Variants in HYCC1 observed in about 807,000 individuals in gnomAD.
HYCC1 encodes hyccin.
chr7:23,005,150 C>G, the HYCC1 span, among the ~76,000 whole-genome samples: 1 of 152,156 alleles, frequency 6.6e-6, no homozygotes, highest in Non-Finnish European at 1.5e-5. Flanking sequence ...CTATATTCCT[C>G]TTATAAGCCC....
chr7:22,990,957 A>C, the HYCC1 span: 9 of 755,770 alleles, frequency 1.2e-5, no homozygotes, highest in Non-Finnish European at 2.1e-5. Flanking sequence ...ACTTCCACAG[A>C]TATTTAGCCT....
At chr7:22,978,104 T>C in the HYCC1 span, 19 of 662,518 alleles carry the variant, frequency 2.9e-5, no homozygotes, top group Non-Finnish European at 4.0e-5. Context: ...ACATGTACGC[T>C]TGTATGTCTC....
chr7:22,989,285 AACACACACACACACACACAC>A, the HYCC1 span, among the ~76,000 whole-genome samples: 3 of 148,684 alleles, frequency 2.0e-5, no homozygotes, highest in South Asian at 4.3e-4. Flanking sequence ...ACAAGCAGGA[AACACACACACACACACACAC>A]ACACACACAC....
chr7:22,908,914 G>C, the HYCC1 span, among the ~76,000 whole-genome samples: 4 of 152,314 alleles, frequency 2.6e-5, 1 homozygote, highest in South Asian at 8.3e-4. Context: ...GCAGTCAACT[G>C]TATTGATGTG....
At chr7:22,923,053 C>T in the HYCC1 span, among the ~76,000 whole-genome samples, 1 of 152,156 alleles carries the variant, frequency 6.6e-6, no homozygotes, top group South Asian at 2.1e-4. Flanking sequence ...GAGCACTACA[C>T]ACAAATTTGA....
chr7:22,988,484 A>G, the HYCC1 span, among the ~76,000 whole-genome samples: 2 of 152,086 alleles, frequency 1.3e-5, no homozygotes, highest in Non-Finnish European at 2.9e-5. Context: ...ATTTATTCAT[A>G]CTCTGGTTTC....
chr7:22,927,611 T>C, the HYCC1 span, among the ~76,000 whole-genome samples: 599 of 152,280 alleles, frequency 3.9e-3, 14 homozygotes, highest in Admixed American at 0.036. Context: ...CCTCGACACA[T>C]ACACTCTCCC....
chr7:22,913,745 G>T, the HYCC1 span, among the ~76,000 whole-genome samples: 12 of 152,262 alleles, frequency 7.9e-5, no homozygotes, highest in African/African-American at 2.4e-4. Flanking sequence ...TTCAGACTCA[G>T]CCCACCTACA....
the HYCC1 span, among the ~76,000 whole-genome samples, chr7:22,927,811 G>A: frequency 6.6e-6 from 1 of 152,208 alleles, no homozygotes; most frequent in East Asian, 1.9e-4. Flanking sequence ...GAGAAAAAGA[G>A]AGAATCCTCC....
chr7:22,946,213 T>C, the HYCC1 span: 1 of 1,468,052 alleles, frequency 6.8e-7, no homozygotes, highest in East Asian at 2.3e-5. Context: ...TTTTAAGCAA[T>C]CTTTTTAAAT....
chr7:22,971,315 T>C, the HYCC1 span, among the ~76,000 whole-genome samples: 1 of 148,398 alleles, frequency 6.7e-6, no homozygotes, highest in East Asian at 1.9e-4. Context: ...TAATATTACA[T>C]ATAATATTAT....
chr7:22,931,255 G>GA, the HYCC1 span, among the ~76,000 whole-genome samples: 15,591 of 103,780 alleles, frequency 0.15, 1,072 homozygotes, highest in East Asian at 0.44. Context: ...CAAAAAAAAA[G>GA]AAAAAAAAAA....
the HYCC1 span, among the ~76,000 whole-genome samples, chr7:22,983,201 C>T: frequency 2.0e-5 from 3 of 151,600 alleles, no homozygotes; most frequent in Non-Finnish European, 2.9e-5. Context: ...TGATGGTGCA[C>T]GACTGAAGTA....
the HYCC1 span, among the ~76,000 whole-genome samples, chr7:22,988,999 C>T: frequency 6.6e-6 from 1 of 152,024 alleles, no homozygotes; most frequent in Non-Finnish European, 1.5e-5. Context: ...AGGGAATAAA[C>T]AAACAGATGG....
chr7:22,929,039 T>C, the HYCC1 span, among the ~76,000 whole-genome samples: 1 of 151,986 alleles, frequency 6.6e-6, no homozygotes, highest in Non-Finnish European at 1.5e-5. Context: ...TAATGCCACA[T>C]ATCTACAACT....
At chr7:22,924,951 C>T in the HYCC1 span, among the ~76,000 whole-genome samples, 2 of 152,198 alleles carry the variant, frequency 1.3e-5, no homozygotes, top group African/African-American at 2.4e-5. Flanking sequence ...GGGACTGACA[C>T]CTCACACAGC....
the HYCC1 span, among the ~76,000 whole-genome samples, chr7:23,006,270 C>A: frequency 6.7e-6 from 1 of 150,060 alleles, no homozygotes; most frequent in East Asian, 1.9e-4. Flanking sequence ...AATTTAAGCA[C>A]TTTTTTTTTT....
chr7:22,979,937 G>A, the HYCC1 span, among the ~76,000 whole-genome samples: 1 of 152,132 alleles, frequency 6.6e-6, no homozygotes, highest in Admixed American at 6.6e-5. Flanking sequence ...TCTGCATAGT[G>A]TGTCACAGAT....
At chr7:22,978,203 G>C in the HYCC1 span, 6 of 1,393,888 alleles carry the variant, frequency 4.3e-6, no homozygotes, top group South Asian at 7.1e-5. Flanking sequence ...AAAATGAAAA[G>C]CAGTTGCACA....
Sources: gnomAD v4.1 joint callset for allele counts (sites outside exome capture counted in the v4.1 genomes callset) on GRCh38, gnomAD v4.1.1 for gene constraint, MANE v1.5 for transcripts, NCBI Gene and HGNC (gene_info 2026-07-23, HGNC 2026-07-21) for gene names.